NEMP2: variants seen among roughly 807,000 people sequenced by gnomAD.
NEMP2 encodes UPF0571 transmembrane protein.
A neutral mutation model predicts 54.2 loss-of-function variants in NEMP2; 53 were observed. The ratio of observed to expected loss-of-function variants is 0.98; its 90% CI spans 0.78 to 1.23. NEMP2 has a LOEUF of 1.23. Ranked by LOEUF, NEMP2 falls within the 50% of genes most tolerant of loss-of-function variation. The pLI, the probability that NEMP2 is intolerant of heterozygous loss-of-function variation, is 0.00. For synonymous variants in NEMP2, 197 were observed against 190.3 expected (o/e 1.04, Z -0.29); for missense variants, 455 against 511.3 (o/e 0.89, Z 1.06).
chr2:190,611,315 C>T, the NEMP2 span, among the ~76,000 whole-genome samples: 1 of 152,158 alleles, frequency 6.6e-6, no homozygotes, highest in Non-Finnish European at 1.5e-5. The surrounding 1 kb of genome is among the most constrained non-coding windows in gnomAD (Gnocchi z 5.4). Flanking sequence ...TTTGACAATG[C>T]TTTCTGTATA....
At chr2:190,452,878 T>C in the NEMP2 span, among the ~76,000 whole-genome samples, 1 of 152,184 alleles carries the variant, frequency 6.6e-6, no homozygotes, top group Admixed American at 6.5e-5. Context: ...TGAATATAAG[T>C]GGCAAAAACT....
At chr2:190,589,494 A>C in the NEMP2 span, among the ~76,000 whole-genome samples, 1 of 152,172 alleles carries the variant, frequency 6.6e-6, no homozygotes, top group Non-Finnish European at 1.5e-5. This position sits in a 1 kb window ranked among gnomAD's most constrained non-coding sequence, Gnocchi z 4.3. Context: ...TCTAGGCTTT[A>C]CCAGTAAGAT....
chr2:190,509,452 G>A lies in NEMP2; in HGVS notation c.1131-140C>T. On this transcript the variant is annotated intron_variant, in intron 8 of 8. Coordinates refer to ENST00000409150, the MANE Select transcript of NEMP2 (RefSeq NM_001142645.2). This position sits in a 1 kb window ranked among gnomAD's most constrained non-coding sequence, Gnocchi z 6.1. ...ACAGGGTGGCATTTACACAGTGGGT[G>A]TAAAAATGGGAATGGCTTATGTGAT... 1.1e-6 allele frequency: 1 copy of A among 904,602 alleles called. No homozygotes were observed. The highest frequency in any genetic ancestry group is 1.7e-6 in the Non-Finnish European group (1 of 595,472). The allele number at this position is 904,602 out of a possible 1,614,324, so 56.0% of individuals were successfully genotyped here.
chr2:190,489,726 A>C, the NEMP2 span: 24 of 1,561,440 alleles, frequency 1.5e-5, no homozygotes, highest in African/African-American at 2.7e-5. This position sits in a 1 kb window ranked among gnomAD's most constrained non-coding sequence, Gnocchi z 6.6. Flanking sequence ...CGCTATCTGC[A>C]TTTCTTGGAA....
chr2:190,435,874 T>C, the NEMP2 span: 1 of 981,934 alleles, frequency 1.0e-6, no homozygotes, highest in Admixed American at 3.1e-5. Flanking sequence ...CTCTTGCAAT[T>C]ATTATTTTAG....
At chr2:190,450,264 TA>T in the NEMP2 span, among the ~76,000 whole-genome samples, 1 of 152,108 alleles carries the variant, frequency 6.6e-6, no homozygotes, top group Non-Finnish European at 1.5e-5. Flanking sequence ...TGCAATTATA[TA>T]ATTTTGAAGG....
the NEMP2 span, among the ~76,000 whole-genome samples, chr2:190,613,250 A>T: frequency 6.6e-6 from 1 of 152,174 alleles, no homozygotes; most frequent in Non-Finnish European, 1.5e-5. Context: ...ATGTCTGTGG[A>T]ATAGACTGCC....
chr2:190,510,736 C>T lies in NEMP2; in HGVS notation c.954-199G>A, dbSNP rs1690332447. On this transcript the variant is annotated intron_variant, in intron 7 of 8. Transcript: ENST00000409150. The surrounding 1 kb of genome is among the most constrained non-coding windows in gnomAD (Gnocchi z 5.7). Reference sequence around the variant, plus strand: ...CTCTACTAAAAATATAAAAAATTAGCTGAGCATGGTGGTGGTCGCCTGTAG... The same window carrying T: ...CTCTACTAAAAATATAAAAAATTAGTTGAGCATGGTGGTGGTCGCCTGTAG... Among the ~76,000 whole-genome samples, 1 of 151,996 alleles carries T rather than the reference C, an allele frequency of 6.6e-6. No homozygotes were observed. The highest frequency in any genetic ancestry group is 2.1e-4 in the South Asian group (1 of 4,818).
At chr2:190,431,266 G>A in the NEMP2 span, among the ~76,000 whole-genome samples, 2 of 148,614 alleles carry the variant, frequency 1.3e-5, no homozygotes, top group African/African-American at 2.5e-5. The surrounding 1 kb of genome is among the most constrained non-coding windows in gnomAD (Gnocchi z 4.4). Context: ...GAGGATGGGC[G>A]GCCAGGCAGA....
chr2:190,518,600 CT>C (rs1339178117), intron 4 of NEMP2, 135 bp downstream of exon 4: 1 of 666,268 alleles, frequency 1.5e-6, no homozygotes, highest in East Asian at 2.9e-5. Flanking sequence ...CCAATACCAT[CT>C]TCAGACCTAT....
chr2:190,543,368 C>T, the NEMP2 span, among the ~76,000 whole-genome samples: 1 of 152,192 alleles, frequency 6.6e-6, no homozygotes, highest in Non-Finnish European at 1.5e-5. This position sits in a 1 kb window ranked among gnomAD's most constrained non-coding sequence, Gnocchi z 4.7. Flanking sequence ...TTGCCCCTGT[C>T]TCTGGCTGTT....
Position 190,508,724 on chromosome 2 carries a change from C to T in NEMP2, c.*465G>A, listed in dbSNP as rs1189764557. On this transcript the variant is annotated 3_prime_UTR_variant, in exon 9 of 9. Coordinates refer to ENST00000409150, the MANE Select transcript of NEMP2 (RefSeq NM_001142645.2). The surrounding 1 kb of genome is among the most constrained non-coding windows in gnomAD (Gnocchi z 4.3). Reference sequence around the variant, plus strand: ...TTTATTGACCAACACTTGGTAGTAGCCTGTGAGCTGTACTTTGGAAAACAC... The same window carrying T: ...TTTATTGACCAACACTTGGTAGTAGTCTGTGAGCTGTACTTTGGAAAACAC... 1 of 157,208 alleles carries T rather than the reference C, an allele frequency of 6.4e-6. No individual in the cohort carries two copies. The highest frequency in any genetic ancestry group is 2.4e-5 in the African/African-American group (1 of 41,508). The allele number at this position is 157,208 out of a possible 1,614,324, so 9.7% of individuals were successfully genotyped here.
the NEMP2 span, among the ~76,000 whole-genome samples, chr2:190,612,152 CTTT>C: frequency 2.2e-3 from 258 of 115,746 alleles, 3 homozygotes; most frequent in East Asian, 3.2e-3. Context: ...AAACATCCCT[CTTT>C]TTTTTTTTTT....
At chr2:190,575,643 T>A in the NEMP2 span, among the ~76,000 whole-genome samples, 2,444 of 152,232 alleles carry the variant, frequency 0.016, 38 homozygotes, top group Non-Finnish European at 0.028. Flanking sequence ...TCACTTGAGG[T>A]CAGGAGTTCA....
At chr2:190,571,670 A>G in the NEMP2 span, among the ~76,000 whole-genome samples, 3 of 152,188 alleles carry the variant, frequency 2.0e-5, no homozygotes, top group African/African-American at 7.2e-5. Context: ...ATTTGTAGAT[A>G]TGCTGATCCC....
the NEMP2 span, among the ~76,000 whole-genome samples, chr2:190,619,918 C>T: frequency 6.6e-6 from 1 of 152,106 alleles, no homozygotes; most frequent in South Asian, 2.1e-4. The surrounding 1 kb of genome is among the most constrained non-coding windows in gnomAD (Gnocchi z 5.5). Context: ...ACTGTGTTTT[C>T]CTTGGCTCAG....
chr2:190,586,868 C>A, the NEMP2 span, among the ~76,000 whole-genome samples: 3 of 152,148 alleles, frequency 2.0e-5, no homozygotes, highest in African/African-American at 7.2e-5. The surrounding 1 kb of genome is among the most constrained non-coding windows in gnomAD (Gnocchi z 4.5). Flanking sequence ...TGAATTTAAT[C>A]TATTTAAAAA....
the NEMP2 span, among the ~76,000 whole-genome samples, chr2:190,452,106 T>C: frequency 6.6e-6 from 1 of 151,812 alleles, no homozygotes; most frequent in African/African-American, 2.4e-5. Context: ...TTCAAAAATA[T>C]CAGAATAGGT....
chr2:190,532,367 T>C (rs1691174494), intron 1 of NEMP2, among the ~76,000 whole-genome samples: 1 of 152,194 alleles, frequency 6.6e-6, no homozygotes, highest in Non-Finnish European at 1.5e-5. Flanking sequence ...TAACTTCAAG[T>C]TCAAATCTTC....
Sources: allele counts gnomAD v4.1 joint callset (sites outside exome capture counted in the v4.1 genomes callset), GRCh38; gene constraint gnomAD v4.1.1; non-coding constraint Gnocchi (gnomAD v3.1); transcripts MANE v1.5; gene names NCBI Gene and HGNC (gene_info 2026-07-23, HGNC 2026-07-21).